AGBL1: variants seen among roughly 807,000 people sequenced by gnomAD.
The protein encoded by AGBL1 is cytosolic carboxypeptidase 4.
A neutral mutation model predicts 118.9 loss-of-function variants in AGBL1; 130 were observed. That is an observed-to-expected ratio of 1.09 (90% CI 0.95 to 1.26). AGBL1 has a LOEUF of 1.26. Ranked by LOEUF, AGBL1 falls within the 50% of genes most tolerant of loss-of-function variation. AGBL1 has a pLI of 0.00. For synonymous variants in AGBL1, 555 were observed against 478.9 expected (o/e 1.16, Z -2.08); for missense variants, 1,584 against 1,298.1 (o/e 1.22, Z -3.38).
intron 18 of AGBL1, among the ~76,000 whole-genome samples, chr15:86,440,484 G>GAATAATAATAATAATAAT (rs60498816): frequency 0.013 from 1,877 of 144,468 alleles, 21 homozygotes; most frequent in South Asian, 0.031. Flanking sequence ...ATGGGATGGA[G>GAATAATAATAATAATAAT]AATAATAATA....
chr15:86,464,987 C>T (rs888830706), intron 18 of AGBL1, among the ~76,000 whole-genome samples: 2 of 151,874 alleles, frequency 1.3e-5, no homozygotes, highest in African/African-American at 4.8e-5. Context: ...GGATAATATC[C>T]TGAAGAGTGT....
intron 17 of AGBL1, among the ~76,000 whole-genome samples, chr15:86,350,789 C>T (rs1480307487): frequency 6.6e-6 from 1 of 152,128 alleles, no homozygotes; most frequent in East Asian, 1.9e-4. Flanking sequence ...AAGAATATTC[C>T]AAAGCCTCTT....
At chr15:86,143,603 A>G in intron 2 of AGBL1, 96 bp from the exon 3 acceptor site, 9 of 1,443,610 alleles carry the variant, frequency 6.2e-6, no homozygotes, top group Non-Finnish European at 8.4e-6. Flanking sequence ...AAATGAACTA[A>G]TTCTTGCTCT....
At position 86,900,305 on chromosome 15, in the gene AGBL1, T is replaced by C. The variant is rs140114079; in HGVS notation, c.3159-6782T>C. ...ATATCCATCTATCCTATTAGTTCTG[T>C]CCCTTTAGAGAACCCTGACTAATAC... On this transcript the variant is annotated intron_variant, in intron 22 of 22. Coordinates refer to ENST00000614907, the MANE Select transcript of AGBL1 (RefSeq NM_001386094.1). Among the ~76,000 whole-genome samples the C allele has an allele frequency of 1.3e-4, 20 of 152,250 alleles. No homozygotes were observed. In the East Asian group the frequency reaches 3.9e-3, roughly 30 times the overall value.
At chr15:86,307,656 A>G (rs1427329176) in intron 17 of AGBL1, among the ~76,000 whole-genome samples, 5 of 152,066 alleles carry the variant, frequency 3.3e-5, no homozygotes. Context: ...AGTCCCAACC[A>G]TTTGAGAGGC....
At chr15:86,393,212 C>A (rs113551123) in intron 17 of AGBL1, among the ~76,000 whole-genome samples, 3,069 of 152,270 alleles carry the variant, frequency 0.02, 42 homozygotes, top group Middle Eastern at 0.065. Flanking sequence ...AGATTATCAA[C>A]TTGACTCTCC....
intron 24 of AGBL1, among the ~76,000 whole-genome samples, chr15:86,989,869 T>G (rs2081321505): frequency 6.6e-6 from 1 of 152,160 alleles, no homozygotes; most frequent in African/African-American, 2.4e-5. Flanking sequence ...GCAATGGAAT[T>G]GGCAAGCGCA....
chr15:86,334,648 G>A (rs1361960223), intron 17 of AGBL1, among the ~76,000 whole-genome samples: 1 of 150,968 alleles, frequency 6.6e-6, no homozygotes, highest in Non-Finnish European at 1.5e-5. Context: ...CACATAACTA[G>A]AAAAAAAAAC....
chr15:86,625,365 G>GTTTTTT (rs1176940848), intron 21 of AGBL1, among the ~76,000 whole-genome samples: 2 of 123,068 alleles, frequency 1.6e-5, no homozygotes, highest in Admixed American at 9.4e-5. Flanking sequence ...AGAAATTAGC[G>GTTTTTT]TTTTTTTTTT....
intron 21 of AGBL1, among the ~76,000 whole-genome samples, chr15:86,639,969 A>C (rs1170463482): frequency 6.6e-6 from 1 of 152,192 alleles, no homozygotes; most frequent in Non-Finnish European, 1.5e-5. Context: ...GGTTTGCTGA[A>C]TGGATGGTGT....
chr15:86,810,515 A>G (rs1343094323), intron 22 of AGBL1, among the ~76,000 whole-genome samples: 2 of 152,118 alleles, frequency 1.3e-5, no homozygotes, highest in African/African-American at 4.8e-5. Flanking sequence ...AGAATATTTA[A>G]AGTATGACAG....
intron 22 of AGBL1, among the ~76,000 whole-genome samples, chr15:86,841,581 C>T (rs1039586991): frequency 1.3e-5 from 2 of 152,168 alleles, no homozygotes; most frequent in East Asian, 3.9e-4. Flanking sequence ...CGCAGTGGCT[C>T]GTGCCTATAA....
intron 18 of AGBL1, among the ~76,000 whole-genome samples, chr15:86,415,191 A>T (rs1195918903): frequency 6.6e-6 from 1 of 152,168 alleles, no homozygotes; most frequent in African/African-American, 2.4e-5. Context: ...ACTCCCCACC[A>T]ATGATCCGTT....
chr15:86,174,359 T>C (rs970507817), intron 5 of AGBL1, among the ~76,000 whole-genome samples: 3 of 152,060 alleles, frequency 2.0e-5, no homozygotes, highest in African/African-American at 4.8e-5. Context: ...TAGTCTTGGT[T>C]TTTCTAAATA....
At chr15:86,353,203 A>T (rs1164623578) in intron 17 of AGBL1, among the ~76,000 whole-genome samples, 1 of 152,202 alleles carries the variant, frequency 6.6e-6, no homozygotes, top group Non-Finnish European at 1.5e-5. Context: ...GAGGGAAGTC[A>T]GTTGGATTGG....
At chr15:86,712,919 C>T (rs897143905) in intron 22 of AGBL1, among the ~76,000 whole-genome samples, 1 of 152,156 alleles carries the variant, frequency 6.6e-6, no homozygotes, top group African/African-American at 2.4e-5. Flanking sequence ...TTCCATGGTT[C>T]CCTCCTCTCC....
intron 22 of AGBL1, among the ~76,000 whole-genome samples, chr15:86,846,832 A>G (rs2079326458): frequency 6.6e-6 from 1 of 152,166 alleles, no homozygotes; most frequent in African/African-American, 2.4e-5. Flanking sequence ...ACACCCAGCC[A>G]AATTTGGGTA....
chr15:86,943,608 G>C (rs930172082), intron 23 of AGBL1, among the ~76,000 whole-genome samples: 2 of 152,186 alleles, frequency 1.3e-5, no homozygotes, highest in Non-Finnish European at 2.9e-5. Flanking sequence ...TATGCAGATG[G>C]GTTCTCTACC....
intron 18 of AGBL1, among the ~76,000 whole-genome samples, chr15:86,469,813 T>C (rs1388003412): frequency 6.6e-6 from 1 of 152,210 alleles, no homozygotes; most frequent in African/African-American, 2.4e-5. Context: ...TTAACTTGCG[T>C]TTCCCAGATG....
Sources: gnomAD v4.1 joint callset for allele counts (sites outside exome capture counted in the v4.1 genomes callset) on GRCh38, gnomAD v4.1.1 for gene constraint, MANE v1.5 for transcripts, NCBI Gene and HGNC (gene_info 2026-07-23, HGNC 2026-07-21) for gene names.